Variants in MCF2L observed in about 807,000 individuals in gnomAD.
The protein encoded by MCF2L is guanine nucleotide exchange factor DBS.
MCF2L carries 97 observed loss-of-function variants against 153.4 expected under a neutral mutation model. That is an observed-to-expected ratio of 0.63 (90% CI 0.54 to 0.75). MCF2L has a LOEUF of 0.75. Ranked by LOEUF, MCF2L falls within the 30% of genes least tolerant of loss-of-function variation. MCF2L has a pLI of 0.00. For synonymous variants in MCF2L, 659 were observed against 632.2 expected, an observed-to-expected ratio of 1.04 and a Z score of -0.64; for missense variants, 1,347 against 1,495.2, an observed-to-expected ratio of 0.90 and a Z score of 1.64.
At chr13:112,977,444 C>G (rs1053141885) in intron 1 of MCF2L, among the ~76,000 whole-genome samples, 2 of 152,084 alleles carry the variant, frequency 1.3e-5, no homozygotes, top group Non-Finnish European at 2.9e-5. Flanking sequence ...TCACGATGGT[C>G]GCTGAAGCCA....
In MCF2L at chr13:113,045,071, C is replaced by G. The variant is rs990481911; in HGVS notation, c.279-200C>G. 3.0e-6 allele frequency: 3 copies of G among 1,001,218 alleles called. No homozygotes were observed. Among genetic ancestry groups the G allele is most frequent in the East Asian group, 5.2e-5 (2 of 38,224 alleles). The allele number at this position is 1,001,218 out of a possible 1,614,324, so 62.0% of individuals were successfully genotyped here. On this transcript the variant is annotated intron_variant, in intron 3 of 29. Coordinates refer to ENST00000535094, the MANE Select transcript of MCF2L (RefSeq NM_001112732.3). The surrounding 1 kb of genome is among the most constrained non-coding windows in gnomAD (Gnocchi z 4.2). ...TAAGAACACACCAAAAGTGCCTGCCCTTCCGTAGATGAGAGCAGGTTCTGG... is the reference window on the plus strand; with the variant it reads ...TAAGAACACACCAAAAGTGCCTGCCGTTCCGTAGATGAGAGCAGGTTCTGG...
At chr13:112,900,528 GGTGA>G in intron 1 of MCF2L, among the ~76,000 whole-genome samples, 1 of 152,346 alleles carries the variant, frequency 6.6e-6, no homozygotes, top group African/African-American at 2.4e-5. Context: ...AACACTGAGG[GGTGA>G]GTGTTTGTGG....
intron 1 of MCF2L, chr13:113,002,050 C>T (rs1024762023): frequency 4.7e-5 from 67 of 1,419,038 alleles, no homozygotes; most frequent in Middle Eastern, 5.1e-4. Context: ...GCGGGGACGC[C>T]GGGCGGGGGT....
At chr13:113,095,342 T>G in intron 27 of MCF2L, 1 of 1,160,206 alleles carries the variant, frequency 8.6e-7, no homozygotes, top group South Asian at 1.7e-5. Flanking sequence ...GGGAGAGCCC[T>G]CGGGGCCTCT....
intron 15 of MCF2L, 85 bp from the exon 16 acceptor site, chr13:113,081,128 A>T: frequency 8.8e-7 from 1 of 1,142,832 alleles, no homozygotes; most frequent in Non-Finnish European, 1.2e-6. Context: ...CCATCATTCT[A>T]GGTGGCACCT....
intron 26 of MCF2L, among the ~76,000 whole-genome samples, chr13:113,091,778 G>T (rs551212770): frequency 2.6e-5 from 4 of 152,016 alleles, no homozygotes; most frequent in African/African-American, 9.7e-5. Context: ...GCCCTGTGAA[G>T]CCCAGAGACC....
At chr13:112,894,370 G>C (rs1217650198), upstream of MCF2L, 1 of 147,842 alleles carries the variant, frequency 6.8e-6, no homozygotes, top group African/African-American at 2.6e-5. Flanking sequence ...GCGTCAGGAC[G>C]CGCGGACACC....
At chr13:112,987,571 C>G (rs1471419736) in intron 1 of MCF2L, among the ~76,000 whole-genome samples, 2 of 152,210 alleles carry the variant, frequency 1.3e-5, no homozygotes. Flanking sequence ...AGGAGGAGGC[C>G]GGGTGTGAGG....
intron 16 of MCF2L, 106 bp downstream of exon 16, chr13:113,081,385 A>C: frequency 3.4e-5 from 38 of 1,132,354 alleles, no homozygotes; most frequent in Non-Finnish European, 4.5e-5. Context: ...TGTCCACCAA[A>C]TGCATGTGAG....
intron 2 of MCF2L, among the ~76,000 whole-genome samples, chr13:112,921,748 A>G (rs1294666224): frequency 1.3e-5 from 2 of 152,242 alleles, no homozygotes; most frequent in African/African-American, 4.8e-5. Flanking sequence ...CTGGAAAAGA[A>G]ACAAAACAAA....
At chr13:113,016,115 G>A (rs1482843356) in intron 2 of MCF2L, among the ~76,000 whole-genome samples, 3 of 152,178 alleles carry the variant, frequency 2.0e-5, no homozygotes, top group African/African-American at 7.2e-5. Flanking sequence ...ACCTTTTCTC[G>A]ATCGTTCCTC....
chr13:113,051,022 A>G (rs1449275155), intron 4 of MCF2L, among the ~76,000 whole-genome samples: 1 of 151,938 alleles, frequency 6.6e-6, no homozygotes, highest in African/African-American at 2.4e-5. Context: ...CTGCGGCGAC[A>G]CGGGGGTGGG....
rs5026909 is a variant in MCF2L at position 113,025,820 on chromosome 13, C to G, written c.278+1062C>G. Among the ~76,000 whole-genome samples, 17 of 67,528 alleles carry G rather than the reference C, an allele frequency of 2.5e-4. 4 individuals carry two copies. Among genetic ancestry groups the G allele is most frequent in the South Asian group, 1.3e-3 (2 of 1,552 alleles). The allele number at this position is 67,528 out of a possible 152,430, so 44.3% of individuals were successfully genotyped here. ...TCATGGGGTCCCCGTGACTGTGGGT[C>G]GGGGCAGAGTCTCTGTGAGGTTTCA... On this transcript the variant is annotated intron_variant, in intron 3 of 29. Coordinates refer to ENST00000535094, the MANE Select transcript of MCF2L (RefSeq NM_001112732.3).
At chr13:113,026,924 T>G (rs1594736477) in intron 3 of MCF2L, 2 of 770,024 alleles carry the variant, frequency 2.6e-6, no homozygotes, top group Non-Finnish European at 2.4e-6. Flanking sequence ...TTGGGAGGGG[T>G]GCCGCGGGGG....
At position 112,908,540 on chromosome 13, in the gene MCF2L, C is replaced by T. The variant is rs376635605; in HGVS notation, c.169+6169C>T. ...CCGATTTTGCATGCCCCAGAGCACACATGATTCTGTGGGTGTTTTATCAGG... is the reference window on the plus strand; with the variant it reads ...CCGATTTTGCATGCCCCAGAGCACATATGATTCTGTGGGTGTTTTATCAGG... On this transcript the variant is annotated intron_variant, in intron 2 of 29. Transcript: ENST00000375608. Among the ~76,000 whole-genome samples, 11 of 152,254 alleles carry T rather than the reference C, an allele frequency of 7.2e-5. No individual in the cohort carries two copies. The East Asian group carries it at 1.2e-3, about 16-fold the overall frequency.
intron 2 of MCF2L, chr13:112,902,409 G>C: frequency 1.9e-6 from 3 of 1,598,916 alleles, no homozygotes; most frequent in Non-Finnish European, 2.6e-6. Context: ...TGATTTTGCA[G>C]GTCTCACTGC....
intron 1 of MCF2L, among the ~76,000 whole-genome samples, chr13:112,972,432 G>A (rs1336005553): frequency 7.0e-6 from 1 of 143,652 alleles, no homozygotes; most frequent in African/African-American, 2.6e-5. Flanking sequence ...GTGGATGGAT[G>A]GGTGGGTGGA....
chr13:113,063,883 C>A, intron 5 of MCF2L: 1 of 448,724 alleles, frequency 2.2e-6, no homozygotes, highest in Non-Finnish European at 4.5e-6. Context: ...TTTGAAGATG[C>A]CGGTGATTTC....
At chr13:113,032,977 TGTGATGTGAGTGGCCCCC>T (rs1386346566) in intron 3 of MCF2L, among the ~76,000 whole-genome samples, 1 of 107,148 alleles carries the variant, frequency 9.3e-6, no homozygotes, top group African/African-American at 3.8e-5. Flanking sequence ...GAGTGGACCC[TGTGATGTGAGTGGCCCCC>T]GTGATGTGAG....
Sources: gnomAD v4.1 joint callset for allele counts (sites outside exome capture counted in the v4.1 genomes callset) on GRCh38, gnomAD v4.1.1 for gene constraint, Gnocchi (gnomAD v3.1) non-coding constraint, MANE v1.5 for transcripts, NCBI Gene and HGNC (gene_info 2026-07-23, HGNC 2026-07-21) for gene names.